The following SYT1 variants were observed in gnomAD, a reference collection of about 807,000 sequenced individuals.
SYT1 encodes the protein synaptotagmin 1.
In SYT1, 8 loss-of-function variants were observed where a neutral mutation model predicts 44.8. The ratio of observed to expected loss-of-function variants is 0.18; its 90% CI spans 0.10 to 0.32. The LOEUF is 0.32. Ranked by LOEUF, SYT1 falls within the 10% of genes least tolerant of loss-of-function variation. The probability of loss-of-function intolerance (pLI) is 1.00; values close to 1 mark genes in which losing one functional copy is unlikely to be tolerated. For synonymous variants in SYT1, 154 were observed against 188.8 expected, an observed-to-expected ratio of 0.82 and a Z score of 1.51; for missense variants, 286 against 509.3, an observed-to-expected ratio of 0.56 and a Z score of 4.22.
At chr12:79,175,940 T>G (rs1871834187) in intron 3 of SYT1, among the ~76,000 whole-genome samples, 1 of 152,088 alleles carries the variant, frequency 6.6e-6, no homozygotes, top group Non-Finnish European at 1.5e-5. Context: ...TTGGAGCCAT[T>G]TCTTGTTTGA....
At chr12:79,078,411 A>C (rs1031254655) in intron 3 of SYT1, among the ~76,000 whole-genome samples, 14 of 152,316 alleles carry the variant, frequency 9.2e-5, no homozygotes, top group African/African-American at 2.9e-4. Context: ...TTAGTGCCTG[A>C]CATACAGTAG....
chr12:79,086,270 A>ATG (rs1219688642), intron 3 of SYT1, among the ~76,000 whole-genome samples: 3 of 151,900 alleles, frequency 2.0e-5, no homozygotes, highest in Non-Finnish European at 4.4e-5. Context: ...GTATAGGTAT[A>ATG]TGTGTGTGTG....
chr12:79,000,158 G>C (rs1238364461), intron 2 of SYT1, among the ~76,000 whole-genome samples: 2 of 151,880 alleles, frequency 1.3e-5, no homozygotes, highest in Non-Finnish European at 2.9e-5. Flanking sequence ...GGAAAGCAGA[G>C]TGCAATTTTT....
intron 1 of SYT1, among the ~76,000 whole-genome samples, chr12:78,904,780 C>T (rs192106085): frequency 2.0e-4 from 31 of 152,148 alleles, no homozygotes; most frequent in African/African-American, 7.0e-4. Context: ...AACATACATA[C>T]AATTTTAACC....
At chr12:79,289,145 T>C (rs1386927647) in intron 5 of SYT1, among the ~76,000 whole-genome samples, 1 of 152,176 alleles carries the variant, frequency 6.6e-6, no homozygotes, top group Non-Finnish European at 1.5e-5. Context: ...GAACAAATGC[T>C]CCTTTTGATG....
At chr12:79,358,203 A>C (rs1478669788) in intron 9 of SYT1, among the ~76,000 whole-genome samples, 1 of 152,156 alleles carries the variant, frequency 6.6e-6, no homozygotes, top group Non-Finnish European at 1.5e-5. Flanking sequence ...ATTAAATGAA[A>C]TTCTGAAAGT....
intron 4 of SYT1, among the ~76,000 whole-genome samples, chr12:79,222,079 GT>G (rs1328139641): frequency 6.6e-6 from 1 of 152,004 alleles, no homozygotes; most frequent in African/African-American, 2.4e-5. Flanking sequence ...ACTATTCTCT[GT>G]TGGCAGTTTT....
intron 8 of SYT1, among the ~76,000 whole-genome samples, chr12:79,334,894 CCTT>C (rs546229574): frequency 1.2e-4 from 19 of 152,088 alleles, no homozygotes; most frequent in Non-Finnish European, 1.9e-4. Context: ...CTGTGTTAAT[CCTT>C]CTTGCTTGTA....
chr12:79,058,055 C>G (rs1217807422), intron 3 of SYT1, among the ~76,000 whole-genome samples: 1 of 151,906 alleles, frequency 6.6e-6, no homozygotes, highest in Non-Finnish European at 1.5e-5. Context: ...CCATTGTTCC[C>G]ATTTTAAGAA....
At chr12:79,269,288 A>G (rs1878292527) in intron 4 of SYT1, among the ~76,000 whole-genome samples, 3 of 151,972 alleles carry the variant, frequency 2.0e-5, no homozygotes, top group Admixed American at 6.6e-5. Flanking sequence ...CTTTATATAT[A>G]TATCTTGCCC....
At chr12:79,001,516 TGC>T (rs1870741869) in intron 2 of SYT1, among the ~76,000 whole-genome samples, 2 of 152,212 alleles carry the variant, frequency 1.3e-5, no homozygotes, top group African/African-American at 4.8e-5. Flanking sequence ...GATGTTACAC[TGC>T]TCTCTCTACG....
chr12:79,316,139 C>A (rs561347861), intron 8 of SYT1, among the ~76,000 whole-genome samples: 9 of 152,156 alleles, frequency 5.9e-5, no homozygotes, highest in African/African-American at 1.2e-4. Context: ...CATTTCTTAT[C>A]CCCAAAGAAG....
intron 1 of SYT1, among the ~76,000 whole-genome samples, chr12:78,883,414 T>C (rs11111729): frequency 1.5e-3 from 227 of 151,678 alleles, no homozygotes; most frequent in Admixed American, 2.5e-3. Context: ...TGTAATACTT[T>C]AATGTGTGGT....
chr12:79,405,606 A>G (rs986068557), intron 9 of SYT1, among the ~76,000 whole-genome samples: 3 of 152,158 alleles, frequency 2.0e-5, no homozygotes, highest in Admixed American at 1.3e-4. Flanking sequence ...ACCCTAAGCA[A>G]TATCTATTTC....
At chr12:78,885,327 G>GGAAA (rs1428381348) in intron 1 of SYT1, among the ~76,000 whole-genome samples, 5 of 142,850 alleles carry the variant, frequency 3.5e-5, no homozygotes, top group Non-Finnish European at 6.1e-5. Flanking sequence ...GAAGAAGGAA[G>GGAAA]GAGGGAAGGA....
intron 9 of SYT1, among the ~76,000 whole-genome samples, chr12:79,363,302 C>T (rs1179418139): frequency 3.3e-5 from 5 of 152,094 alleles, no homozygotes; most frequent in Non-Finnish European, 1.5e-5. Flanking sequence ...GCTATTCCCC[C>T]TTCCTTTTAC....
intron 1 of SYT1, among the ~76,000 whole-genome samples, chr12:78,944,511 C>CA (rs1052186810): frequency 8.7e-5 from 13 of 149,160 alleles, no homozygotes; most frequent in African/African-American, 1.2e-4. Context: ...AATGCAAATA[C>CA]AAAAAAAAAC....
intron 1 of SYT1, among the ~76,000 whole-genome samples, chr12:78,900,889 A>G (rs1875625311): frequency 6.6e-6 from 1 of 152,180 alleles, no homozygotes; most frequent in African/African-American, 2.4e-5. Flanking sequence ...AAATGCATGT[A>G]ATTTTTAATT....
intron 4 of SYT1, among the ~76,000 whole-genome samples, chr12:79,241,961 C>A (rs762115055): frequency 2.6e-5 from 4 of 152,166 alleles, no homozygotes; most frequent in Non-Finnish European, 4.4e-5. Context: ...TAGAGTGATA[C>A]ATCTATAAGC....
Sources: allele counts gnomAD v4.1 joint callset (sites outside exome capture counted in the v4.1 genomes callset), GRCh38; gene constraint gnomAD v4.1.1; transcripts MANE v1.5; gene names NCBI Gene and HGNC (gene_info 2026-07-23, HGNC 2026-07-21).